The following RNF216 variants were observed in gnomAD, a reference collection of about 807,000 sequenced individuals.
RNF216 encodes the protein E3 ubiquitin-protein ligase RNF216.
A neutral mutation model predicts 110.8 loss-of-function variants in RNF216; 72 were observed. That is an observed-to-expected ratio of 0.65 (90% CI 0.54 to 0.79). The LOEUF (loss-of-function observed/expected upper bound fraction) is 0.79. Among genes scored for constraint, RNF216 ranks in the 30% least tolerant of loss-of-function variants. RNF216 has a pLI of 0.00. For synonymous variants in RNF216, 495 were observed against 407.5 expected, an observed-to-expected ratio of 1.21 and a Z score of -2.59; for missense variants, 1,342 against 1,141.2, an observed-to-expected ratio of 1.18 and a Z score of -2.54.
intron 13 of RNF216, among the ~76,000 whole-genome samples, chr7:5,664,569 G>A (rs763022460): frequency 1.3e-5 from 2 of 152,324 alleles, no homozygotes; most frequent in East Asian, 3.9e-4. Context: ...CCCTGAAAAT[G>A]TGTGCCCAAG....
intron 13 of RNF216, among the ~76,000 whole-genome samples, chr7:5,697,626 G>A (rs990301018): frequency 1.3e-5 from 2 of 152,142 alleles, no homozygotes; most frequent in African/African-American, 4.8e-5. Flanking sequence ...GGGACTACAA[G>A]TGCGCACCAC....
chr7:5,737,429 T>C (rs1187394948), intron 5 of RNF216, among the ~76,000 whole-genome samples: 4 of 152,142 alleles, frequency 2.6e-5, no homozygotes, highest in African/African-American at 9.7e-5. Flanking sequence ...GAGACCTTTG[T>C]TCACTTGTTT....
intron 13 of RNF216, among the ~76,000 whole-genome samples, chr7:5,667,497 G>A (rs966789235): frequency 3.3e-5 from 5 of 152,216 alleles, no homozygotes; most frequent in African/African-American, 1.2e-4. Context: ...ACAATGCCCG[G>A]GAACCAGGGG....
At chr7:5,688,856 A>G (rs778284628) in intron 13 of RNF216, among the ~76,000 whole-genome samples, 5 of 152,224 alleles carry the variant, frequency 3.3e-5, no homozygotes, top group Non-Finnish European at 7.3e-5. Context: ...CCAAATGATG[A>G]TAACAGCTAC....
At chr7:5,758,277 A>G (rs932282706) in intron 2 of RNF216, among the ~76,000 whole-genome samples, 1 of 152,250 alleles carries the variant, frequency 6.6e-6, no homozygotes, top group African/African-American at 2.4e-5. Flanking sequence ...TGAATCCAAT[A>G]AATTATGGCT....
rs1048489985 is a variant in RNF216 at position 5,644,116 on chromosome 7, G to A, written c.2160-2740C>T. Among the ~76,000 whole-genome samples the A allele has an allele frequency of 2.0e-5, 3 of 151,542 alleles. No individual in the cohort carries two copies. The East Asian group carries it at 5.8e-4, about 29-fold the overall frequency. Reference sequence around the variant, plus strand: ...ATGGATTGAGTTTTTTTTGCTTTTTGGCTGGTGTGAATTGTGGTTAAATGA... The same window carrying A: ...ATGGATTGAGTTTTTTTTGCTTTTTAGCTGGTGTGAATTGTGGTTAAATGA... On this transcript the variant is annotated intron_variant, in intron 14 of 16. Coordinates refer to ENST00000389902, the MANE Select transcript of RNF216 (RefSeq NM_207111.4).
At chr7:5,777,057 C>G (rs1796826342) in intron 1 of RNF216, among the ~76,000 whole-genome samples, 1 of 152,168 alleles carries the variant, frequency 6.6e-6, no homozygotes, top group Non-Finnish European at 1.5e-5. Flanking sequence ...GGTAAAAAGT[C>G]TGAATACCCT....
chr7:5,706,024 T>A (rs1249876257), intron 13 of RNF216, among the ~76,000 whole-genome samples: 1 of 150,662 alleles, frequency 6.6e-6, no homozygotes, highest in Non-Finnish European at 1.5e-5. Context: ...ATCAAGATCA[T>A]CCTGGCTAAC....
chr7:5,683,559 C>G (rs537989909), intron 13 of RNF216, among the ~76,000 whole-genome samples: 37 of 152,294 alleles, frequency 2.4e-4, no homozygotes, highest in African/African-American at 7.9e-4. Context: ...ACTCTCTGAA[C>G]AGGTAAGATG....
At chr7:5,668,165 G>A (rs916546003) in intron 13 of RNF216, among the ~76,000 whole-genome samples, 18 of 152,052 alleles carry the variant, frequency 1.2e-4, no homozygotes, top group African/African-American at 4.3e-4. Context: ...GCTGCCCCTG[G>A]TAGTTTTTCA....
intron 15 of RNF216, among the ~76,000 whole-genome samples, chr7:5,636,948 GAC>G (rs112567258): frequency 5.3e-5 from 8 of 152,296 alleles, no homozygotes; most frequent in African/African-American, 1.7e-4. Flanking sequence ...GGCAGCAGAA[GAC>G]ACAGAACGAG....
At chr7:5,634,585 G>A (rs1007407019) in intron 15 of RNF216, among the ~76,000 whole-genome samples, 1 of 152,176 alleles carries the variant, frequency 6.6e-6, no homozygotes, top group African/African-American at 2.4e-5. Context: ...TGCTGGGGAG[G>A]AGCAGAGACT....
Position 5,712,977 on chromosome 7 carries a change from C to A in RNF216, c.1834-114G>T, listed in dbSNP as rs140604013. On this transcript the variant is annotated intron_variant, in intron 11 of 16. Transcript: ENST00000389902. The stretch of plus-strand genomic sequence containing the variant: ...AGACAACATAGCAAGGATCTCTCTG[C>A]CTGTTCATCTCTGAGAAATCACACT... 823 of 936,050 alleles carry A rather than the reference C, an allele frequency of 8.8e-4. 6 individuals carry two copies. In the African/African-American group the frequency reaches 0.013, roughly 14 times the overall value. The allele number at this position is 936,050 out of a possible 1,614,324, so 58.0% of individuals were successfully genotyped here.
chr7:5,778,893 G>A (rs190231760), intron 1 of RNF216, among the ~76,000 whole-genome samples: 32 of 152,266 alleles, frequency 2.1e-4, no homozygotes, highest in African/African-American at 7.2e-4. Flanking sequence ...ACAGGCGCAC[G>A]CCATCACACC....
intron 13 of RNF216, among the ~76,000 whole-genome samples, chr7:5,677,214 C>T (rs1203311859): frequency 6.6e-6 from 1 of 152,238 alleles, no homozygotes; most frequent in African/African-American, 2.4e-5. Flanking sequence ...GATTTAGAGA[C>T]TGCTCAGCAC....
chr7:5,641,122 A>G (rs375199403), intron 15 of RNF216, 32 bp downstream of exon 15: 52 of 1,483,992 alleles, frequency 3.5e-5, no homozygotes, highest in African/African-American at 5.6e-5. Flanking sequence ...TTTTCTCCCT[A>G]TAAAGCAATA....
chr7:5,630,047 C>A (rs1786975295), intron 15 of RNF216, among the ~76,000 whole-genome samples: 1 of 151,982 alleles, frequency 6.6e-6, no homozygotes, highest in African/African-American at 2.4e-5. Flanking sequence ...CGCTACAAAT[C>A]TAGGACACAC....
chr7:5,651,164 T>C (rs1788361166), intron 14 of RNF216, among the ~76,000 whole-genome samples: 1 of 152,092 alleles, frequency 6.6e-6, no homozygotes, highest in Non-Finnish European at 1.5e-5. Flanking sequence ...GGCCACAATC[T>C]AGTTACAATC....
In RNF216 at chr7:5,741,051, C is replaced by A. The variant is rs953586262; in HGVS notation, c.966G>T (p.Glu322Asp). The change falls in exon 4 of 17, where the codon GAG (glutamate) becomes GAT (aspartate). Residue 322 changes from glutamate (E) to aspartate (D), a missense_variant. Coordinates refer to ENST00000389902, the MANE Select transcript of RNF216 (RefSeq NM_207111.4). ...GCCCCCAAATGTTTTCCAAATTGGG[C>A]TCTTGAGATTCTTGCATTGGAAAGG... is the stretch of plus-strand genomic sequence containing the variant. ...GPAFPMQESQ[E>D]PNLENIWGQE... 5 of 1,613,992 alleles carry A rather than the reference C, an allele frequency of 3.1e-6. No individual in the cohort carries two copies. Among genetic ancestry groups the A allele is most frequent in the Non-Finnish European group, 4.2e-6 (5 of 1,180,034 alleles).
Sources: gnomAD v4.1 joint callset for allele counts (sites outside exome capture counted in the v4.1 genomes callset) on GRCh38, gnomAD v4.1.1 for gene constraint, MANE v1.5 for transcripts, NCBI Gene and HGNC (gene_info 2026-07-23, HGNC 2026-07-21) for gene names.